Variants in ROBO2 observed in about 807,000 individuals in gnomAD.
The protein encoded by ROBO2 is roundabout guidance receptor 2, also known as roundabout homolog 2.
A neutral mutation model predicts 160.8 loss-of-function variants in ROBO2; 53 were observed. That is an observed-to-expected ratio of 0.33 (90% CI 0.26 to 0.41). ROBO2 has a LOEUF of 0.41. Among genes scored for constraint, ROBO2 ranks in the 10% least tolerant of loss-of-function variants. The probability of loss-of-function intolerance (pLI) is 1.00; values close to 1 mark genes in which losing one functional copy is unlikely to be tolerated. For synonymous variants in ROBO2, 664 were observed against 611.7 expected (o/e 1.09, Z -1.26); for missense variants, 1,577 against 1,722.4 (o/e 0.92, Z 1.49).
At chr3:76,212,916 T>G (rs62267412) in intron 2 of ROBO2, among the ~76,000 whole-genome samples, 1 of 151,834 alleles carries the variant, frequency 6.6e-6, no homozygotes, top group Non-Finnish European at 1.5e-5. Context: ...GTTCTTAGTT[T>G]CACTTTTGGT....
At chr3:76,042,486 A>G (rs1216943924) in intron 2 of ROBO2, among the ~76,000 whole-genome samples, 1 of 152,054 alleles carries the variant, frequency 6.6e-6, no homozygotes, top group Non-Finnish European at 1.5e-5. Flanking sequence ...CATAGGTTTA[A>G]GTGTTTTTTA....
At chr3:77,186,153 C>A (rs2081270654) in intron 2 of ROBO2, among the ~76,000 whole-genome samples, 1 of 151,788 alleles carries the variant, frequency 6.6e-6, no homozygotes, top group Admixed American at 6.6e-5. Context: ...AACCGAACAC[C>A]ATCTCTTCCC....
intron 2 of ROBO2, among the ~76,000 whole-genome samples, chr3:76,688,185 T>G (rs2092723427): frequency 1.3e-5 from 2 of 152,052 alleles, no homozygotes; most frequent in Admixed American, 1.3e-4. Flanking sequence ...TATATTATGC[T>G]GGTTGGCAAA....
intron 2 of ROBO2, among the ~76,000 whole-genome samples, chr3:76,875,440 T>C (rs2072607491): frequency 1.3e-5 from 2 of 152,318 alleles, no homozygotes; most frequent in Middle Eastern, 3.4e-3. Context: ...TAAGACAATA[T>C]ACATTAATCA....
chr3:77,354,475 T>C (rs2068785798), intron 2 of ROBO2, among the ~76,000 whole-genome samples: 1 of 152,148 alleles, frequency 6.6e-6, no homozygotes, highest in Non-Finnish European at 1.5e-5. Context: ...AAAAAGAGTG[T>C]AAACAACCAA....
Position 77,525,320 on chromosome 3 carries a change from T to G in ROBO2, c.934+2418T>G, listed in dbSNP as rs149497037. Among the ~76,000 whole-genome samples the G allele has an allele frequency of 5.3e-5, 8 of 150,964 alleles. No homozygotes were observed. In the East Asian group the frequency reaches 1.6e-3, roughly 29 times the overall value. On this transcript the variant is annotated intron_variant, in intron 6 of 25. Transcript: ENST00000461745. ...GTATTGTGATGTTTCTGCTAAAATT[T>G]TATCATAACATTCACATTAGCCAAT... is the stretch of plus-strand genomic sequence containing the variant.
chr3:77,207,907 T>G lies in ROBO2; in HGVS notation c.388+109567T>G, dbSNP rs148351216. On this transcript the variant is annotated intron_variant, in intron 2 of 25. Transcript: ENST00000461745. ...TTTCAAAACGCGTGGGCACTAAAGA[T>G]GTCTTCTTGCTCTTGAGAATTGATT... Among the ~76,000 whole-genome samples the G allele has an allele frequency of 7.2e-5, 11 of 152,318 alleles. No homozygotes were observed. The East Asian group carries it at 1.7e-3, about 24-fold the overall frequency.
chr3:77,454,316 T>C (rs2081402243), intron 2 of ROBO2, among the ~76,000 whole-genome samples: 1 of 152,160 alleles, frequency 6.6e-6, no homozygotes, highest in Non-Finnish European at 1.5e-5. Context: ...TGTCCTGCCT[T>C]GGTAAATTTG....
In ROBO2 at chr3:76,308,309, G is replaced by A. The variant is rs148312671; in HGVS notation, c.109+370707G>A. Among the ~76,000 whole-genome samples, 575 of 146,196 alleles carry A rather than the reference G, an allele frequency of 3.9e-3. 5 individuals carry two copies. Among genetic ancestry groups the A allele is most frequent in the African/African-American group, 0.013 (525 of 39,754 alleles). ...GAAGAATCGCTTGACCCCAGGAAGC[G>A]GAGGTTGCAATAAGGCGAGATCGCA... On this transcript the variant is annotated intron_variant, in intron 2 of 26. Transcript: ENST00000487694.
intron 8 of ROBO2, among the ~76,000 whole-genome samples, chr3:77,555,449 G>C (rs1262174658): frequency 6.6e-6 from 1 of 151,944 alleles, no homozygotes; most frequent in East Asian, 1.9e-4. Flanking sequence ...ATGCTGAATA[G>C]TGCTATGTTG....
rs577474858 is a variant in ROBO2, at chr3:77,280,236, C to T, written c.388+181896C>T. 8.5e-5 allele frequency among the ~76,000 whole-genome samples: 13 copies of T among 152,250 alleles called. No homozygotes were observed. The East Asian group carries it at 1.9e-3, about 23-fold the overall frequency. Reference sequence around the variant, plus strand: ...ATGTTTAGACAAACCGCTTTTCTGCCGTTATACCTTACTCACCTTACTTAG... The same window carrying T: ...ATGTTTAGACAAACCGCTTTTCTGCTGTTATACCTTACTCACCTTACTTAG... On this transcript the variant is annotated intron_variant, in intron 2 of 25. Transcript: ENST00000461745.
chr3:76,697,561 C>T lies in ROBO2; in HGVS notation c.110-400453C>T, dbSNP rs1046720286. Among the ~76,000 whole-genome samples, 4 of 152,044 alleles carry T rather than the reference C, an allele frequency of 2.6e-5. No individual in the cohort carries two copies. The East Asian group carries it at 5.8e-4, about 22-fold the overall frequency. On this transcript the variant is annotated intron_variant, in intron 2 of 26. Coordinates refer to the ROBO2 transcript ENST00000487694. ...ACTCAGGAGGTGGAGGTGGGAGAAT[C>T]GCTTGAACCTGCGATTTCTAGCTGC... is the stretch of plus-strand genomic sequence containing the variant.
At chr3:75,933,228 C>A (rs1478430032) in intron 1 of ROBO2, among the ~76,000 whole-genome samples, 2 of 152,166 alleles carry the variant, frequency 1.3e-5, no homozygotes, top group African/African-American at 4.8e-5. Flanking sequence ...AACTCAAGAG[C>A]TGTAATGGGC....
intron 2 of ROBO2, among the ~76,000 whole-genome samples, chr3:77,210,860 T>C (rs1224313992): frequency 6.6e-6 from 1 of 152,072 alleles, no homozygotes; most frequent in African/African-American, 2.4e-5. Flanking sequence ...GATCTTGTGA[T>C]AGTTTACTGA....
chr3:76,173,024 C>A (rs2073100678), intron 2 of ROBO2, among the ~76,000 whole-genome samples: 1 of 151,766 alleles, frequency 6.6e-6, no homozygotes, highest in African/African-American at 2.4e-5. Context: ...GTCTCTGACC[C>A]CAACTATGTA....
At chr3:77,099,985 A>G (rs1035854091) in intron 2 of ROBO2, among the ~76,000 whole-genome samples, 5 of 152,136 alleles carry the variant, frequency 3.3e-5, no homozygotes, top group African/African-American at 4.8e-5. Context: ...TTAAAATTCT[A>G]TCTACTCAGC....
chr3:77,600,850 T>C (rs1189459211), intron 19 of ROBO2, among the ~76,000 whole-genome samples: 1 of 152,204 alleles, frequency 6.6e-6, no homozygotes, highest in East Asian at 1.9e-4. Flanking sequence ...AGAAAGTAGT[T>C]GTGAAGTTCT....
intron 2 of ROBO2, among the ~76,000 whole-genome samples, chr3:76,858,465 C>T (rs925954416): frequency 2.0e-5 from 3 of 152,090 alleles, no homozygotes; most frequent in Non-Finnish European, 4.4e-5. Context: ...GAATTTCTTC[C>T]TGTTGCCCAG....
chr3:76,076,203 C>T (rs576954554), intron 2 of ROBO2, among the ~76,000 whole-genome samples: 1 of 152,268 alleles, frequency 6.6e-6, no homozygotes, highest in South Asian at 2.1e-4. Flanking sequence ...CAATTGCATC[C>T]ATTTGCTGGA....
Sources: allele counts gnomAD v4.1 joint callset (sites outside exome capture counted in the v4.1 genomes callset), GRCh38; gene constraint gnomAD v4.1.1; transcripts MANE v1.5; gene names NCBI Gene and HGNC (gene_info 2026-07-23, HGNC 2026-07-21).